The following CAST variants were observed in gnomAD, a reference collection of about 807,000 sequenced individuals.
The protein encoded by CAST is calpastatin, also known as MIR583 host.
In CAST, 76 loss-of-function variants were observed where a neutral mutation model predicts 119.6. That is an observed-to-expected ratio of 0.64 (90% confidence interval 0.53 to 0.77). The LOEUF is 0.77. CAST is among the 30% of genes least tolerant of loss of function. The probability of loss-of-function intolerance (pLI) is 0.00; values close to 1 mark genes in which losing one functional copy is unlikely to be tolerated. For missense variants in CAST, 953 were observed against 946.5 expected, an observed-to-expected ratio of 1.01 and a Z score of -0.09; for synonymous variants, 319 against 331.6, an observed-to-expected ratio of 0.96 and a Z score of 0.41.
the CAST span, among the ~76,000 whole-genome samples, chr5:96,253,884 T>G: frequency 6.6e-6 from 1 of 152,094 alleles, no homozygotes; most frequent in Non-Finnish European, 1.5e-5. Flanking sequence ...TCGCCTACTT[T>G]GGTACATACC....
chr5:96,648,895 A>G (rs1248628615), intron 1 of CAST, among the ~76,000 whole-genome samples: 1 of 151,900 alleles, frequency 6.6e-6, no homozygotes, highest in Non-Finnish European at 1.5e-5. Flanking sequence ...TAGGTCAAGG[A>G]CTTCATCTTG....
chr5:96,574,300 A>G (rs1580830859), intron 1 of CAST, among the ~76,000 whole-genome samples: 1 of 4,054 alleles, frequency 2.5e-4, no homozygotes, highest in Non-Finnish European at 3.4e-4. Context: ...CTCATGATCC[A>G]CCCGCCTCGG....
At chr5:96,746,944 G>A (rs1366315391) in intron 17 of CAST, among the ~76,000 whole-genome samples, 1 of 152,138 alleles carries the variant, frequency 6.6e-6, no homozygotes, top group Non-Finnish European at 1.5e-5. Context: ...ACAATTCTAA[G>A]TTATGAAACC....
the CAST span, among the ~76,000 whole-genome samples, chr5:96,218,081 G>C: frequency 6.6e-6 from 1 of 152,120 alleles, no homozygotes; most frequent in Non-Finnish European, 1.5e-5. Flanking sequence ...GTGACTGTTT[G>C]CTTTTTTCGA....
At chr5:96,049,889 C>CA in the CAST span, among the ~76,000 whole-genome samples, 5,029 of 34,208 alleles carry the variant, frequency 0.15, 667 homozygotes, top group East Asian at 0.28. Flanking sequence ...GAACAGGAGG[C>CA]AAAAAAAAAA....
At chr5:96,604,044 C>T (rs261215) in intron 1 of CAST, among the ~76,000 whole-genome samples, 57,791 of 151,990 alleles carry the variant, frequency 0.38, 12,023 homozygotes, top group Admixed American at 0.46. Flanking sequence ...AGATTACAGG[C>T]GTAAGCCACC....
chr5:95,963,872 C>G, the CAST span, among the ~76,000 whole-genome samples: 1 of 152,060 alleles, frequency 6.6e-6, no homozygotes, highest in African/African-American at 2.4e-5. Context: ...TAAATCCCCA[C>G]CCACATGATA....
chr5:95,983,241 A>G, the CAST span, among the ~76,000 whole-genome samples: 1 of 152,222 alleles, frequency 6.6e-6, no homozygotes, highest in Non-Finnish European at 1.5e-5. Context: ...GAGAGGGGGT[A>G]GTGATTAGAA....
the CAST span, among the ~76,000 whole-genome samples, chr5:96,285,129 C>G: frequency 6.6e-6 from 1 of 152,140 alleles, no homozygotes; most frequent in African/African-American, 2.4e-5. Flanking sequence ...CATGTAGCTA[C>G]CTGATTCATT....
chr5:96,727,481 G>A lies in CAST; in HGVS notation c.337-8G>A, dbSNP rs1311073124. ...TTCCTTTTTTTCTTTCTTTTTTTCT[G>A]AACTTAGGCTGTAAAAACAGAACCT... On this transcript the variant is annotated splice_polypyrimidine_tract_variant and splice_region_variant and intron_variant, in intron 5 of 31. Transcript: ENST00000675179. 2.7e-6 allele frequency: 4 copies of A among 1,502,232 alleles called. No homozygotes were observed. Among genetic ancestry groups the A allele is most frequent in the Non-Finnish European group, 3.6e-6 (4 of 1,102,378 alleles). 93.1% of individuals were successfully genotyped at this position (1,502,232 alleles called of 1,614,324 possible). A position where few individuals can be genotyped will look rare whatever the true frequency, so the allele number is the denominator to read the frequency against.
chr5:96,119,678 A>G, the CAST span, among the ~76,000 whole-genome samples: 1 of 152,240 alleles, frequency 6.6e-6, no homozygotes, highest in East Asian at 1.9e-4. Flanking sequence ...TTGAACCTTT[A>G]TTCAGCTGTT....
At chr5:96,131,418 TACACAC>T in the CAST span, among the ~76,000 whole-genome samples, 152 of 148,148 alleles carry the variant, frequency 1.0e-3, no homozygotes, top group African/African-American at 3.6e-3. Flanking sequence ...CTTGTTATTA[TACACAC>T]ACACACACAC....
the CAST span, among the ~76,000 whole-genome samples, chr5:96,347,885 T>C: frequency 2.0e-5 from 3 of 152,284 alleles, no homozygotes; most frequent in Middle Eastern, 3.4e-3. Context: ...GGGTGGATGA[T>C]GTGGAGAGAG....
At chr5:96,296,326 T>C in the CAST span, among the ~76,000 whole-genome samples, 1 of 152,192 alleles carries the variant, frequency 6.6e-6, no homozygotes, top group African/African-American at 2.4e-5. Context: ...CCACTGAAAA[T>C]TGATGTCTGT....
the CAST span, among the ~76,000 whole-genome samples, chr5:96,009,701 T>C: frequency 6.6e-6 from 1 of 152,194 alleles, no homozygotes; most frequent in African/African-American, 2.4e-5. Context: ...TAGACCTTTG[T>C]TGGATGCGTA....
chr5:96,008,290 A>G, the CAST span, among the ~76,000 whole-genome samples: 1,346 of 152,316 alleles, frequency 8.8e-3, 22 homozygotes, highest in African/African-American at 0.031. Flanking sequence ...CTTCCTTTAT[A>G]TCTATCACCT....
rs547705504 is a variant in CAST, at chr5:96,559,137, G to T, written c.60+29257G>T. Reference sequence around the variant, plus strand: ...GATTATCTCAATAGATGCAGAAAACGCCTTTGACAAAATTCAACAACCCTT... The same window carrying T: ...GATTATCTCAATAGATGCAGAAAACTCCTTTGACAAAATTCAACAACCCTT... On this transcript the variant is annotated intron_variant, in intron 1 of 11. Coordinates refer to the CAST transcript ENST00000505143. Among the ~76,000 whole-genome samples, 9 of 152,060 alleles carry T rather than the reference G, an allele frequency of 5.9e-5. No homozygotes were observed. The South Asian group carries it at 1.5e-3, about 25-fold the overall frequency.
Position 96,753,530 on chromosome 5 carries a change from G to A in CAST, c.1525-530G>A, listed in dbSNP as rs535919003. Among the ~76,000 whole-genome samples the A allele has an allele frequency of 2.6e-5, 4 of 152,282 alleles. No individual in the cohort carries two copies. In the South Asian group the frequency reaches 6.2e-4, roughly 24 times the overall value. ...AGACAGTTCTCACTGTGCCATTCAG[G>A]TTAGTTGGTCACAGGCAGAGTCATC... is the stretch of plus-strand genomic sequence containing the variant. On this transcript the variant is annotated intron_variant, in intron 20 of 31. Transcript: ENST00000675179.
At chr5:96,225,689 TTG>T in the CAST span, among the ~76,000 whole-genome samples, 1 of 152,202 alleles carries the variant, frequency 6.6e-6, no homozygotes, top group Non-Finnish European at 1.5e-5. Flanking sequence ...TGAGAGTCTG[TTG>T]TGATTTCTGA....
Sources: gnomAD v4.1 joint callset for allele counts (sites outside exome capture counted in the v4.1 genomes callset) on GRCh38, gnomAD v4.1.1 for gene constraint, MANE v1.5 for transcripts, NCBI Gene and HGNC (gene_info 2026-07-23, HGNC 2026-07-21) for gene names.